PHYHIPL: variants seen among roughly 807,000 people sequenced by gnomAD.
PHYHIPL encodes the protein phytanoyl-CoA hydroxylase-interacting protein-like.
In PHYHIPL, 9 loss-of-function variants were observed where a neutral mutation model predicts 33.4. The ratio of observed to expected loss-of-function variants is 0.27; its 90% CI spans 0.16 to 0.47. The LOEUF is 0.47. Ranked by LOEUF, PHYHIPL falls within the 20% of genes least tolerant of loss-of-function variation. PHYHIPL has a pLI of 0.99. For synonymous variants in PHYHIPL, 153 were observed against 154.1 expected (o/e 0.99, Z 0.05); for missense variants, 365 against 460.7 (o/e 0.79, Z 1.90).
chr10:59,245,850 T>C lies in PHYHIPL; in HGVS notation c.*259T>C, dbSNP rs1840652620. 1 of 418,002 alleles carries C rather than the reference T, an allele frequency of 2.4e-6. No homozygotes were observed. The highest frequency in any genetic ancestry group is 4.1e-5 in the Admixed American group (1 of 24,328). The allele number at this position is 418,002 out of a possible 1,614,324, so 25.9% of individuals were successfully genotyped here. ...ACACTTTATTGCCTAGATGCTGCAA[T>C]GTTTTTATGTTTCCTTTATGCCAAA... On this transcript the variant is annotated 3_prime_UTR_variant, in exon 5 of 5. Transcript: ENST00000373880.
At chr10:59,208,266 A>G (rs1346307011) in intron 1 of PHYHIPL, among the ~76,000 whole-genome samples, 1 of 152,150 alleles carries the variant, frequency 6.6e-6, no homozygotes, top group Non-Finnish European at 1.5e-5. Flanking sequence ...CTCTGCTGGT[A>G]ATACCCAGGC....
At chr10:59,233,869 C>T (rs1476676403) in intron 1 of PHYHIPL, among the ~76,000 whole-genome samples, 1 of 151,708 alleles carries the variant, frequency 6.6e-6, no homozygotes, top group Admixed American at 6.6e-5. Context: ...TGCTGTTTCT[C>T]TATATAATGC....
At chr10:59,226,656 T>TA (rs1338378545) in intron 1 of PHYHIPL, among the ~76,000 whole-genome samples, 3 of 152,246 alleles carry the variant, frequency 2.0e-5, no homozygotes, top group South Asian at 4.1e-4. Context: ...CATTTTTTAA[T>TA]AAAAATTTAA....
chr10:59,185,956 G>A (rs1838586240), intron 1 of PHYHIPL, among the ~76,000 whole-genome samples: 1 of 152,124 alleles, frequency 6.6e-6, no homozygotes, highest in South Asian at 2.1e-4. Context: ...CTGTGCAGAA[G>A]CTCTTTAGTT....
intron 1 of PHYHIPL, chr10:59,206,967 A>G: frequency 4.0e-6 from 1 of 252,792 alleles, no homozygotes; most frequent in Non-Finnish European, 7.0e-6. Context: ...CTTCTTTAGC[A>G]AAACAATACA....
intron 1 of PHYHIPL, among the ~76,000 whole-genome samples, chr10:59,229,672 A>G (rs1840022132): frequency 7.1e-6 from 1 of 140,568 alleles, no homozygotes; most frequent in Admixed American, 6.7e-5. Context: ...AAATTCATAG[A>G]CAAAAAAAAT....
At chr10:59,176,386 T>C (rs1359514848), upstream of PHYHIPL, among the ~76,000 whole-genome samples, 1 of 151,842 alleles carries the variant, frequency 6.6e-6, no homozygotes, top group African/African-American at 2.4e-5. Context: ...GCGCGGCGTA[T>C]AGCGCTCGCC....
At position 59,246,348 on chromosome 10, in the gene PHYHIPL, A is replaced by G. The variant is rs1337714610; in HGVS notation, c.*757A>G. The G allele has an allele frequency of 4.3e-6, 1 of 233,904 alleles. No homozygotes were observed. The highest frequency in any genetic ancestry group is 8.2e-6 in the Non-Finnish European group (1 of 122,074). The allele number at this position is 233,904 out of a possible 1,614,324, so 14.5% of individuals were successfully genotyped here. A position where few individuals can be genotyped will look rare whatever the true frequency, so the allele number is the denominator to read the frequency against. ...TTTATGAAGGACATTATTCTGATTC[A>G]TAAAAGTTATAAAATATTAGGTAAA... On this transcript the variant is annotated 3_prime_UTR_variant, in exon 5 of 5. Coordinates refer to ENST00000373880, the MANE Select transcript of PHYHIPL (RefSeq NM_032439.4).
At chr10:59,232,294 T>G (rs1840102395) in intron 1 of PHYHIPL, among the ~76,000 whole-genome samples, 1 of 152,040 alleles carries the variant, frequency 6.6e-6, no homozygotes, top group South Asian at 2.1e-4. Context: ...GTGGTTTTGT[T>G]AAGAACTAGT....
rs186475165 is a variant in PHYHIPL, at chr10:59,191,546, T to C, written c.106+14587T>C. ...ACCATATCACTATTTTGCCAAACTT[T>C]GTTATAAAAAACCCAATGAAAAGTT... On this transcript the variant is annotated intron_variant, in intron 1 of 4. Transcript: ENST00000373880. Among the ~76,000 whole-genome samples, 5 of 152,164 alleles carry C rather than the reference T, an allele frequency of 3.3e-5. No homozygotes were observed. In the East Asian group the frequency reaches 7.7e-4, roughly 23 times the overall value.
chr10:59,231,929 C>T (rs1233385640), intron 1 of PHYHIPL, among the ~76,000 whole-genome samples: 1 of 151,924 alleles, frequency 6.6e-6, no homozygotes, highest in African/African-American at 2.4e-5. Context: ...TTAAAATGTA[C>T]CTCCACCTTG....
At chr10:59,224,511 A>AC (rs1839872473) in intron 1 of PHYHIPL, among the ~76,000 whole-genome samples, 1 of 152,136 alleles carries the variant, frequency 6.6e-6, no homozygotes, top group Non-Finnish European at 1.5e-5. Context: ...ACAAAACAAA[A>AC]AACAAAACAA....
intron 4 of PHYHIPL, among the ~76,000 whole-genome samples, chr10:59,244,570 A>C (rs1840569799): frequency 7.3e-6 from 1 of 137,388 alleles, no homozygotes; most frequent in African/African-American, 2.7e-5. Flanking sequence ...CTCAAAAAAA[A>C]AAAAAAAAAA....
chr10:59,197,758 A>G lies in PHYHIPL; in HGVS notation c.106+20799A>G, dbSNP rs140574829. Among the ~76,000 whole-genome samples the G allele has an allele frequency of 9.5e-3, 1,445 of 152,302 alleles. 5 individuals are homozygous for G. The highest frequency in any genetic ancestry group is 0.021 in the Admixed American group (316 of 15,284). On this transcript the variant is annotated intron_variant, in intron 1 of 4. Coordinates refer to ENST00000373880, the MANE Select transcript of PHYHIPL (RefSeq NM_032439.4). Reference sequence around the variant, plus strand: ...ACAATTACCAACAATTCCAGGGCCTACTTTCCTTTACATTTGGTCTTAAAA... The same window carrying G: ...ACAATTACCAACAATTCCAGGGCCTGCTTTCCTTTACATTTGGTCTTAAAA...
intron 1 of PHYHIPL, among the ~76,000 whole-genome samples, chr10:59,179,842 TACACACACACACACACACACAC>T (rs147836305): frequency 7.4e-6 from 1 of 134,794 alleles, no homozygotes; most frequent in East Asian, 2.2e-4. Flanking sequence ...GCAAGACAGT[TACACACACACACACACACACAC>T]ACACACACAC....
chr10:59,231,940 G>A (rs1003087519), intron 1 of PHYHIPL, among the ~76,000 whole-genome samples: 1 of 151,826 alleles, frequency 6.6e-6, no homozygotes, highest in Non-Finnish European at 1.5e-5. Context: ...CTCCACCTTG[G>A]GGGGAAAAGT....
intron 1 of PHYHIPL, among the ~76,000 whole-genome samples, chr10:59,198,747 C>A (rs1564705018): frequency 1.3e-5 from 2 of 151,988 alleles, no homozygotes; most frequent in Non-Finnish European, 2.9e-5. Flanking sequence ...GATCGCCATT[C>A]TAACTGGTGT....
intron 1 of PHYHIPL, among the ~76,000 whole-genome samples, chr10:59,233,111 G>A (rs980630486): frequency 6.6e-6 from 1 of 151,888 alleles, no homozygotes; most frequent in African/African-American, 2.4e-5. Context: ...ATTTTTAAAA[G>A]TATTGTTCAA....
At position 59,223,178 on chromosome 10, in the gene PHYHIPL, A is replaced by G. The variant is rs540154123; in HGVS notation, c.107-11126A>G. 2.0e-5 allele frequency among the ~76,000 whole-genome samples: 3 copies of G among 152,354 alleles called. No individual in the cohort carries two copies. The East Asian group carries it at 5.8e-4, about 29-fold the overall frequency. ...GATAAATGTTCAGAGGTTTCCAAAC[A>G]AATGCAGTTTACCTTACTGTAAATT... On this transcript the variant is annotated intron_variant, in intron 1 of 4. Transcript: ENST00000373880.
Sources: allele counts gnomAD v4.1 joint callset (sites outside exome capture counted in the v4.1 genomes callset), GRCh38; gene constraint gnomAD v4.1.1; transcripts MANE v1.5; gene names NCBI Gene and HGNC (gene_info 2026-07-23, HGNC 2026-07-21).